Variants in XPR1 observed in about 807,000 individuals in gnomAD.
XPR1 encodes solute carrier family 53 member 1.
A neutral mutation model predicts 87.5 loss-of-function variants in XPR1; 28 were observed. The ratio of observed to expected loss-of-function variants is 0.32; its 90% CI spans 0.24 to 0.44. The LOEUF (loss-of-function observed/expected upper bound fraction) is 0.44, where lower values mean the gene tolerates loss of function less well. Ranked by LOEUF, XPR1 falls within the 20% of genes least tolerant of loss-of-function variation. XPR1 has a pLI of 1.00. For synonymous variants in XPR1, 300 were observed against 306.1 expected, an observed-to-expected ratio of 0.98 and a Z score of 0.21; for missense variants, 559 against 862.3, an observed-to-expected ratio of 0.65 and a Z score of 4.41.
chr1:180,879,261 A>G (rs1652766490), intron 13 of XPR1, among the ~76,000 whole-genome samples: 1 of 152,112 alleles, frequency 6.6e-6, no homozygotes, highest in African/African-American at 2.4e-5. Flanking sequence ...CAGCCCTTCT[A>G]ATTGGTCTGT....
intron 2 of XPR1, among the ~76,000 whole-genome samples, chr1:180,781,149 C>A (rs1239325163): frequency 6.6e-6 from 1 of 151,630 alleles, no homozygotes; most frequent in African/African-American, 2.4e-5. Context: ...ATGTGACTAT[C>A]CAATTGTTGG....
chr1:180,689,142 T>A (rs1656895906), intron 2 of XPR1, among the ~76,000 whole-genome samples: 1 of 152,162 alleles, frequency 6.6e-6, no homozygotes, highest in Non-Finnish European at 1.5e-5. Context: ...AAAGGGACAT[T>A]AAAAGATAAT....
At chr1:180,746,299 G>A (rs945514561) in intron 2 of XPR1, among the ~76,000 whole-genome samples, 6 of 152,062 alleles carry the variant, frequency 3.9e-5, no homozygotes, top group Non-Finnish European at 7.4e-5. Context: ...AGTCTTCGGT[G>A]TCCATTATAC....
chr1:180,861,733 A>G (rs763718310), intron 11 of XPR1, among the ~76,000 whole-genome samples: 2 of 152,116 alleles, frequency 1.3e-5, no homozygotes, highest in Non-Finnish European at 2.9e-5. Flanking sequence ...AGAAGCAGCT[A>G]AACAGTGATG....
intron 1 of XPR1, among the ~76,000 whole-genome samples, chr1:180,674,220 T>G (rs1305704292): frequency 6.6e-6 from 1 of 152,202 alleles, no homozygotes; most frequent in Non-Finnish European, 1.5e-5. Flanking sequence ...AGAAGTTAAT[T>G]TTCCCAAGGT....
chr1:180,698,381 A>C (rs1657238866), intron 2 of XPR1, among the ~76,000 whole-genome samples: 1 of 152,180 alleles, frequency 6.6e-6, no homozygotes, highest in Admixed American at 6.6e-5. Context: ...CCATTCAGCT[A>C]GTATGTATCT....
intron 2 of XPR1, among the ~76,000 whole-genome samples, chr1:180,726,473 C>T (rs1658351407): frequency 6.6e-6 from 1 of 152,200 alleles, no homozygotes; most frequent in Admixed American, 6.5e-5. Flanking sequence ...AGACCAAGAA[C>T]CCACTGGAAG....
chr1:180,842,636 A>C (rs146832383), intron 11 of XPR1, among the ~76,000 whole-genome samples: 284 of 152,300 alleles, frequency 1.9e-3, no homozygotes, highest in African/African-American at 6.6e-3. Flanking sequence ...AGGAGGCACA[A>C]ACGTGTTTTA....
intron 7 of XPR1, among the ~76,000 whole-genome samples, chr1:180,820,575 G>A (rs1017078257): frequency 6.6e-6 from 1 of 152,128 alleles, no homozygotes; most frequent in Non-Finnish European, 1.5e-5. Flanking sequence ...GAATGGTACT[G>A]TTAGGAACAT....
chr1:180,787,512 C>T lies in XPR1; in HGVS notation c.122-241C>T, dbSNP rs1270309176. ...CAGTCTGGTCTTGAACTCCTGACTT[C>T]AAGTGATCTGCCCGCCTCGGCCTCC... On this transcript the variant is annotated intron_variant, in intron 2 of 14. Transcript: ENST00000367590. 6.6e-5 allele frequency among the ~76,000 whole-genome samples: 10 copies of T among 152,126 alleles called. No homozygotes were observed. The East Asian group carries it at 9.6e-4, about 15-fold the overall frequency.
intron 2 of XPR1, among the ~76,000 whole-genome samples, chr1:180,743,190 C>G (rs955125449): frequency 1.1e-4 from 17 of 148,914 alleles, no homozygotes; most frequent in African/African-American, 4.2e-4. Flanking sequence ...TTTTGCTTTT[C>G]CATATGTTTT....
chr1:180,651,935 A>G (rs181306792), intron 1 of XPR1, among the ~76,000 whole-genome samples: 15 of 152,356 alleles, frequency 9.8e-5, no homozygotes, highest in African/African-American at 2.2e-4. Context: ...AGATCTTGCA[A>G]TACAAAGCCT....
intron 14 of XPR1, among the ~76,000 whole-genome samples, chr1:180,880,624 A>C (rs1652822873): frequency 6.6e-6 from 1 of 152,164 alleles, no homozygotes; most frequent in African/African-American, 2.4e-5. Flanking sequence ...TTATGTTATA[A>C]ACTTTAGGAA....
At chr1:180,767,483 C>A (rs896171121) in intron 2 of XPR1, among the ~76,000 whole-genome samples, 2 of 152,060 alleles carry the variant, frequency 1.3e-5, no homozygotes, top group Non-Finnish European at 2.9e-5. Flanking sequence ...AGTGCATTCT[C>A]TTTTCTTGCA....
Position 180,660,618 on chromosome 1 carries a change from G to A in XPR1, c.70-21742G>A, listed in dbSNP as rs186698992. ...GTTCATTGAGCCACTGGTCATTCAG[G>A]AGCATATTGTTTCATTTTCATGTGT... On this transcript the variant is annotated intron_variant, in intron 1 of 14. Coordinates refer to ENST00000367590, the MANE Select transcript of XPR1 (RefSeq NM_004736.4). 3.0e-3 allele frequency among the ~76,000 whole-genome samples: 454 copies of A among 152,218 alleles called. 4 individuals carry two copies. The highest frequency in any genetic ancestry group is 0.024 in the Middle Eastern group (7 of 294).
intron 11 of XPR1, among the ~76,000 whole-genome samples, chr1:180,861,199 T>C (rs1401420698): frequency 2.6e-5 from 4 of 152,152 alleles, no homozygotes; most frequent in African/African-American, 7.2e-5. Context: ...ATTAGGAAAA[T>C]TAAATGAGAC....
At position 180,646,631 on chromosome 1, in the gene XPR1, G is replaced by A. The variant is rs907040613; in HGVS notation, c.69+14361G>A. On this transcript the variant is annotated intron_variant, in intron 1 of 14. Transcript: ENST00000367590. ...TTTGGCAGTCTTAGAACCCTCTGCT[G>A]TCTCATCATTGGGTCTTTTCCCCTA... is the stretch of plus-strand genomic sequence containing the variant. 1.6e-4 allele frequency among the ~76,000 whole-genome samples: 24 copies of A among 152,240 alleles called. 1 individual carries two copies. The highest frequency in any genetic ancestry group is 3.4e-3 in the Middle Eastern group (1 of 292).
intron 2 of XPR1, among the ~76,000 whole-genome samples, chr1:180,726,558 C>G (rs1658356724): frequency 6.6e-6 from 1 of 152,170 alleles, no homozygotes; most frequent in Non-Finnish European, 1.5e-5. Flanking sequence ...ATCCATTCAC[C>G]CCTCTTGGGG....
intron 2 of XPR1, among the ~76,000 whole-genome samples, chr1:180,717,599 G>T (rs895089437): frequency 1.4e-4 from 22 of 152,070 alleles, no homozygotes; most frequent in African/African-American, 5.3e-4. Flanking sequence ...AGAATCTTGG[G>T]TGTGGATTGG....
Sources: gnomAD v4.1 joint callset for allele counts (sites outside exome capture counted in the v4.1 genomes callset) on GRCh38, gnomAD v4.1.1 for gene constraint, MANE v1.5 for transcripts, NCBI Gene and HGNC (gene_info 2026-07-23, HGNC 2026-07-21) for gene names.